FER1L6: variants seen among roughly 807,000 people sequenced by gnomAD.
The protein encoded by FER1L6 is fer-1-like protein 6.
In FER1L6, 177 loss-of-function variants were observed where a neutral mutation model predicts 219.2. That is an observed-to-expected ratio of 0.81 (90% CI 0.71 to 0.91). The LOEUF is 0.91. Ranked by LOEUF, FER1L6 falls within the 40% of genes least tolerant of loss-of-function variation. The pLI is 0.00. For synonymous variants in FER1L6, 768 were observed against 824.3 expected (o/e 0.93, Z 1.17); for missense variants, 2,153 against 2,259.9 (o/e 0.95, Z 0.96).
intron 38 of FER1L6, 34 bp downstream of exon 38, chr8:124,101,372 G>A (rs1164544849): frequency 6.3e-7 from 1 of 1,592,232 alleles, no homozygotes; most frequent in South Asian, 1.1e-5. Flanking sequence ...ACATATTAAT[G>A]TTAAGGGTTT....
In FER1L6 at chr8:124,035,282, T is replaced by C; in HGVS notation, c.2292T>C (p.Pro764=). 6.2e-7 allele frequency: 1 copy of C among 1,613,450 alleles called. No individual in the cohort carries two copies. Among genetic ancestry groups the C allele is most frequent in the Non-Finnish European group, 8.5e-7 (1 of 1,179,684 alleles). The change falls in exon 19 of 41, where the codon CCT becomes CCC. Residue 764 remains proline (P), a synonymous_variant. Coordinates refer to ENST00000522917, the MANE Select transcript of FER1L6 (RefSeq NM_001039112.2). ...TTTTTGTAACCTTTCTCCAGCCTCC[T>C]GGGAAACGACCGGCTGGTTGGTCTG... The part of the protein sequence containing the change: ...GKIKTHFLKP[P]GKRPAGWSVQ...
intron 32 of FER1L6, among the ~76,000 whole-genome samples, chr8:124,079,813 G>A (rs1821460134): frequency 6.6e-6 from 1 of 152,178 alleles, no homozygotes; most frequent in South Asian, 2.1e-4. Flanking sequence ...TTGGGAAAAT[G>A]GCTAAGATTA....
At chr8:123,934,309 G>A (rs138361299) in intron 1 of FER1L6, among the ~76,000 whole-genome samples, 40 of 152,200 alleles carry the variant, frequency 2.6e-4, no homozygotes, top group African/African-American at 8.7e-4. Flanking sequence ...TATGGGTAAG[G>A]GAATTTATGT....
intron 1 of FER1L6, among the ~76,000 whole-genome samples, chr8:123,936,477 T>G (rs28478214): frequency 7.3e-6 from 1 of 137,384 alleles, no homozygotes; most frequent in African/African-American, 3.3e-5. Context: ...TTTTTTTTTT[T>G]TTTTTTTTTG....
At chr8:123,982,151 A>G (rs917647304) in intron 11 of FER1L6, among the ~76,000 whole-genome samples, 3 of 152,172 alleles carry the variant, frequency 2.0e-5, no homozygotes, top group Non-Finnish European at 2.9e-5. Flanking sequence ...TTGAGAATAC[A>G]TGCCAACTTT....
At chr8:124,071,840 C>T (rs1227329964) in intron 31 of FER1L6, among the ~76,000 whole-genome samples, 1 of 152,132 alleles carries the variant, frequency 6.6e-6, no homozygotes, top group Non-Finnish European at 1.5e-5. Context: ...TTGCTGTGTC[C>T]TCACACAGCC....
intron 1 of FER1L6, among the ~76,000 whole-genome samples, chr8:123,942,061 G>C (rs1021371424): frequency 2.0e-5 from 3 of 152,142 alleles, no homozygotes; most frequent in African/African-American, 7.2e-5. Context: ...GTGAACCCCT[G>C]AGCCCAGGCC....
intron 12 of FER1L6, among the ~76,000 whole-genome samples, chr8:123,994,034 A>G (rs1277196814): frequency 2.6e-5 from 4 of 152,194 alleles, no homozygotes; most frequent in Non-Finnish European, 4.4e-5. Flanking sequence ...GCCATGCACA[A>G]GTTTTCTCCT....
At chr8:123,855,220 G>A (rs565019640) in intron 1 of FER1L6, among the ~76,000 whole-genome samples, 9 of 152,276 alleles carry the variant, frequency 5.9e-5, no homozygotes, top group Non-Finnish European at 1.3e-4. Flanking sequence ...CATGGGAGAG[G>A]GATGCTGTGA....
At chr8:124,081,909 G>A (rs1821570280) in intron 32 of FER1L6, among the ~76,000 whole-genome samples, 2 of 152,180 alleles carry the variant, frequency 1.3e-5, no homozygotes, top group African/African-American at 2.4e-5. Flanking sequence ...TAATATGGAG[G>A]CTAAGAGGAA....
Position 124,013,605 on chromosome 8 carries a change from C to G in FER1L6, c.1922+74C>G, listed in dbSNP as rs1206111461. Reference sequence around the variant, plus strand: ...CAGCTTTTAATTACCTTGAGAAAGTCGTCGATTTCACATGCATTCAAATGG... The same window carrying G: ...CAGCTTTTAATTACCTTGAGAAAGTGGTCGATTTCACATGCATTCAAATGG... On this transcript the variant is annotated intron_variant, in intron 15 of 40. Coordinates refer to ENST00000522917, the MANE Select transcript of FER1L6 (RefSeq NM_001039112.2). 10 of 1,007,172 alleles carry G rather than the reference C, an allele frequency of 9.9e-6. No individual in the cohort carries two copies. In the South Asian group the frequency reaches 1.7e-4, roughly 17 times the overall value. The allele number at this position is 1,007,172 out of a possible 1,614,324, so 62.4% of individuals were successfully genotyped here.
At chr8:124,049,141 G>A (rs982612734) in intron 21 of FER1L6, among the ~76,000 whole-genome samples, 7 of 151,696 alleles carry the variant, frequency 4.6e-5, no homozygotes, top group African/African-American at 9.7e-5. Flanking sequence ...TCCACATCCC[G>A]GGTTTAAGTG....
chr8:124,062,727 C>T (rs899690986), intron 25 of FER1L6, among the ~76,000 whole-genome samples: 13 of 152,182 alleles, frequency 8.5e-5, no homozygotes, highest in Non-Finnish European at 1.5e-4. Context: ...ATGAATATCC[C>T]TGTGTGTGTT....
chr8:123,960,099 G>A (rs770453199), intron 2 of FER1L6, among the ~76,000 whole-genome samples: 1 of 152,162 alleles, frequency 6.6e-6, no homozygotes, highest in East Asian at 1.9e-4. Flanking sequence ...TAACCTGTAG[G>A]GGGGTAAATG....
intron 34 of FER1L6, among the ~76,000 whole-genome samples, chr8:124,092,548 A>G (rs1163877154): frequency 6.6e-6 from 1 of 152,194 alleles, no homozygotes; most frequent in Non-Finnish European, 1.5e-5. Context: ...GCTTCCATAC[A>G]TTTAGGGTGA....
chr8:124,107,212 T>C (rs1473201986), intron 39 of FER1L6, among the ~76,000 whole-genome samples: 1 of 152,136 alleles, frequency 6.6e-6, no homozygotes, highest in East Asian at 1.9e-4. Context: ...CCTCTCAAAG[T>C]GCTGGGATTA....
intron 32 of FER1L6, among the ~76,000 whole-genome samples, chr8:124,081,351 T>A (rs1302143949): frequency 6.6e-6 from 1 of 152,142 alleles, no homozygotes; most frequent in East Asian, 1.9e-4. Context: ...ACAGCATTAA[T>A]GTTCCTTGAG....
At chr8:124,010,563 A>G (rs1385267371) in intron 13 of FER1L6, 31 bp from the exon 14 acceptor site, 2 of 1,610,942 alleles carry the variant, frequency 1.2e-6, no homozygotes, top group African/African-American at 1.3e-5. Context: ...ACTGATTACC[A>G]GCTAACTTCC....
At chr8:123,910,879 G>A (rs1319948089) in intron 1 of FER1L6, among the ~76,000 whole-genome samples, 2 of 152,166 alleles carry the variant, frequency 1.3e-5, no homozygotes, top group African/African-American at 4.8e-5. Context: ...GTTAATGCAT[G>A]AAATTGATGG....
Sources: allele counts gnomAD v4.1 joint callset (sites outside exome capture counted in the v4.1 genomes callset), GRCh38; gene constraint gnomAD v4.1.1; transcripts MANE v1.5; gene names NCBI Gene and HGNC (gene_info 2026-07-23, HGNC 2026-07-21).